The following SLC44A5 variants were observed in gnomAD, a reference collection of about 807,000 sequenced individuals.
SLC44A5 encodes the protein choline transporter-like protein 5.
Under a neutral mutation model 101.8 loss-of-function variants are expected in SLC44A5, and 57 were observed. The ratio of observed to expected loss-of-function variants is 0.56; its 90% CI spans 0.45 to 0.70. SLC44A5 has a LOEUF of 0.70. Among genes scored for constraint, SLC44A5 ranks in the 30% least tolerant of loss-of-function variants. SLC44A5 has a pLI of 0.00. For synonymous variants in SLC44A5, 281 were observed against 290.9 expected, an observed-to-expected ratio of 0.97 and a Z score of 0.35; for missense variants, 737 against 853.1, an observed-to-expected ratio of 0.86 and a Z score of 1.70.
At chr1:75,242,811 C>T in intron 8 of SLC44A5, 75 bp downstream of exon 8, 4 of 1,476,786 alleles carry the variant, frequency 2.7e-6, no homozygotes, top group Non-Finnish European at 3.6e-6. Context: ...TGTTCAGTAA[C>T]AAATTCTCAC....
chr1:75,291,795 A>C (rs1218457891), intron 5 of SLC44A5, among the ~76,000 whole-genome samples: 1 of 152,064 alleles, frequency 6.6e-6, no homozygotes, highest in Non-Finnish European at 1.5e-5. Flanking sequence ...GTGGATCACG[A>C]GTTCAGGAGA....
chr1:75,456,799 T>C (rs1014706838), intron 2 of SLC44A5, among the ~76,000 whole-genome samples: 4 of 152,250 alleles, frequency 2.6e-5, no homozygotes, highest in African/African-American at 9.6e-5. Context: ...AAGTTGTGCC[T>C]GCTTATTCTG....
intron 9 of SLC44A5, among the ~76,000 whole-genome samples, chr1:75,239,132 G>A (rs940029359): frequency 6.6e-6 from 1 of 152,014 alleles, no homozygotes; most frequent in Non-Finnish European, 1.5e-5. Context: ...CTAAATTTTT[G>A]TCTGTGAATT....
intron 2 of SLC44A5, among the ~76,000 whole-genome samples, chr1:75,500,836 A>C (rs1668919702): frequency 6.6e-6 from 1 of 152,128 alleles, no homozygotes; most frequent in Non-Finnish European, 1.5e-5. Flanking sequence ...AGCATGAGTA[A>C]AGGGTTCCAA....
the SLC44A5 span, among the ~76,000 whole-genome samples, chr1:75,693,898 G>A: frequency 2.0e-5 from 3 of 151,902 alleles, no homozygotes; most frequent in Admixed American, 2.0e-4. Flanking sequence ...AAGTAATTTT[G>A]ATAGAGTTGT....
Position 75,513,424 on chromosome 1 carries a change from G to C in SLC44A5, c.13+28011C>G, listed in dbSNP as rs540290497. 1.1e-4 allele frequency among the ~76,000 whole-genome samples: 16 copies of C among 152,266 alleles called. 1 individual carries two copies. In the South Asian group the frequency reaches 3.1e-3, roughly 30 times the overall value. On this transcript the variant is annotated intron_variant, in intron 2 of 23. Transcript: ENST00000370859. ...TTTGTAAAGTGCAGCTTTGTCCATA[G>C]CTTTACCAATTGGTACTAGATAATT...
intron 3 of SLC44A5, among the ~76,000 whole-genome samples, chr1:75,367,982 A>G (rs1359073560): frequency 1.3e-5 from 2 of 152,196 alleles, no homozygotes; most frequent in Non-Finnish European, 1.5e-5. Flanking sequence ...CACATTCTCT[A>G]TGGTTAAGGA....
intron 13 of SLC44A5, among the ~76,000 whole-genome samples, chr1:75,222,932 C>A (rs754790963): frequency 1.3e-5 from 2 of 152,098 alleles, no homozygotes; most frequent in African/African-American, 4.8e-5. Context: ...TGTGACTCTT[C>A]GCACTATGGG....
At chr1:75,416,890 C>G (rs968758925) in intron 2 of SLC44A5, among the ~76,000 whole-genome samples, 1 of 152,210 alleles carries the variant, frequency 6.6e-6, no homozygotes, top group Middle Eastern at 3.4e-3. Context: ...ATGCCTGTAC[C>G]CCCATTGTAT....
chr1:75,423,633 C>A (rs1387201506), intron 2 of SLC44A5, among the ~76,000 whole-genome samples: 1 of 152,188 alleles, frequency 6.6e-6, no homozygotes, highest in Non-Finnish European at 1.5e-5. Context: ...TTAATATGTG[C>A]CTGGCTCTAT....
At chr1:75,714,888 G>A in the SLC44A5 span, among the ~76,000 whole-genome samples, 1 of 152,128 alleles carries the variant, frequency 6.6e-6, no homozygotes, top group African/African-American at 2.4e-5. Flanking sequence ...TGGCCAGGCT[G>A]GTCTCAAACT....
chr1:75,390,146 T>G (rs1330773506), intron 3 of SLC44A5, among the ~76,000 whole-genome samples: 3 of 152,008 alleles, frequency 2.0e-5, no homozygotes, highest in Non-Finnish European at 4.4e-5. Context: ...TAATGAATTC[T>G]GAAATAGAGC....
chr1:75,314,522 T>C (rs1250683222), intron 4 of SLC44A5, among the ~76,000 whole-genome samples: 11 of 152,198 alleles, frequency 7.2e-5, no homozygotes, highest in Admixed American at 7.2e-4. Context: ...TAGACTTTCA[T>C]TGATGCTAGG....
chr1:75,338,350 G>C (rs762196585), intron 4 of SLC44A5, among the ~76,000 whole-genome samples: 1 of 152,134 alleles, frequency 6.6e-6, no homozygotes, highest in African/African-American at 2.4e-5. Context: ...AACCAGCCAG[G>C]CATAATTCTG....
intron 1 of SLC44A5, among the ~76,000 whole-genome samples, chr1:75,568,606 G>T (rs138952307): frequency 0.01 from 1,587 of 151,964 alleles, 29 homozygotes; most frequent in African/African-American, 0.036. Flanking sequence ...ACCTCTATCT[G>T]TTTTTTCTGC....
intron 1 of SLC44A5, among the ~76,000 whole-genome samples, chr1:75,554,469 C>CAAAA (rs35263222): frequency 7.3e-5 from 9 of 123,338 alleles, no homozygotes; most frequent in South Asian, 2.8e-4. Flanking sequence ...GTGACTCTGT[C>CAAAA]AAAAAAAAAA....
chr1:75,594,596 A>G (rs1674533022), intron 1 of SLC44A5, among the ~76,000 whole-genome samples: 1 of 152,012 alleles, frequency 6.6e-6, no homozygotes, highest in Non-Finnish European at 1.5e-5. Context: ...TCGTCAAGTG[A>G]TATGTAAATT....
At chr1:75,566,014 TA>T (rs1672767188) in intron 1 of SLC44A5, among the ~76,000 whole-genome samples, 1 of 152,220 alleles carries the variant, frequency 6.6e-6, no homozygotes, top group Admixed American at 6.5e-5. Flanking sequence ...TGTCTTTAAA[TA>T]GCATACATTT....
At chr1:75,279,334 T>G (rs1161340154) in intron 5 of SLC44A5, among the ~76,000 whole-genome samples, 1 of 152,062 alleles carries the variant, frequency 6.6e-6, no homozygotes, top group Non-Finnish European at 1.5e-5. Flanking sequence ...TTCACCTACA[T>G]CAGTGGGACA....
Sources: allele counts gnomAD v4.1 joint callset (sites outside exome capture counted in the v4.1 genomes callset), GRCh38; gene constraint gnomAD v4.1.1; transcripts MANE v1.5; gene names NCBI Gene and HGNC (gene_info 2026-07-23, HGNC 2026-07-21).